The following GABRG1 variants were observed in gnomAD, a reference collection of about 807,000 sequenced individuals.
GABRG1 encodes the protein gamma-aminobutyric acid receptor subunit gamma-1.
Under a neutral mutation model 49.8 loss-of-function variants are expected in GABRG1, and 49 were observed. That is an observed-to-expected ratio of 0.98 (90% CI 0.78 to 1.25). GABRG1 has a LOEUF of 1.25. GABRG1 is among the 50% of genes most tolerant of loss of function. The probability of loss-of-function intolerance (pLI) is 0.00; values close to 1 mark genes in which losing one functional copy is unlikely to be tolerated. For synonymous variants in GABRG1, 232 were observed against 185.1 expected, an observed-to-expected ratio of 1.25 and a Z score of -2.06; for missense variants, 552 against 552.3, an observed-to-expected ratio of 1.00 and a Z score of 0.01.
intron 7 of GABRG1, among the ~76,000 whole-genome samples, chr4:46,057,103 A>T (rs1364595181): frequency 6.6e-6 from 1 of 152,154 alleles, no homozygotes; most frequent in African/African-American, 2.4e-5. Context: ...TTATAGTAGC[A>T]TACAAAGAAA....
intron 1 of GABRG1, among the ~76,000 whole-genome samples, chr4:46,104,119 A>C (rs1720463086): frequency 6.6e-6 from 1 of 151,402 alleles, no homozygotes; most frequent in South Asian, 2.1e-4. Context: ...TTAGTGCCAA[A>C]AATTTCATAT....
chr4:46,049,846 T>C (rs553753684), intron 8 of GABRG1, among the ~76,000 whole-genome samples: 2 of 152,042 alleles, frequency 1.3e-5, no homozygotes, highest in African/African-American at 2.4e-5. Flanking sequence ...AGAGTAGCCA[T>C]GTTTTGGTTG....
At chr4:46,104,187 C>G (rs989615194) in intron 1 of GABRG1, among the ~76,000 whole-genome samples, 1 of 151,336 alleles carries the variant, frequency 6.6e-6, no homozygotes, top group African/African-American at 2.4e-5. Flanking sequence ...AATGATCATA[C>G]CACATTATAT....
intron 7 of GABRG1, 37 bp downstream of exon 7, chr4:46,058,180 G>A (rs745868816): frequency 5.1e-6 from 8 of 1,564,526 alleles, no homozygotes; most frequent in Non-Finnish European, 6.9e-6. Context: ...ATTTTTTAAA[G>A]TTCTATGGCA....
intron 5 of GABRG1, among the ~76,000 whole-genome samples, chr4:46,062,031 C>A (rs1718713687): frequency 9.1e-6 from 1 of 109,432 alleles, no homozygotes; most frequent in South Asian, 3.9e-4. Flanking sequence ...CCCCCCTCCC[C>A]CCACCCCACA....
At chr4:46,081,579 A>G (rs538007990) in intron 3 of GABRG1, among the ~76,000 whole-genome samples, 15 of 151,976 alleles carry the variant, frequency 9.9e-5, no homozygotes, top group South Asian at 2.1e-4. Flanking sequence ...CCAGCTATAA[A>G]GTGGTAAAGC....
intron 1 of GABRG1, among the ~76,000 whole-genome samples, chr4:46,123,472 T>A (rs7670807): frequency 0.11 from 17,439 of 151,994 alleles, 2,631 homozygotes; most frequent in African/African-American, 0.35. Flanking sequence ...CAGAAAGTTC[T>A]TCGGTGGCAT....
chr4:46,108,206 A>C (rs186080806), intron 1 of GABRG1, among the ~76,000 whole-genome samples: 50 of 151,126 alleles, frequency 3.3e-4, no homozygotes, highest in African/African-American at 1.2e-3. Flanking sequence ...ATGAATTGAT[A>C]CTCTTTTCAT....
chr4:46,061,299 C>T (rs900283937), intron 5 of GABRG1, among the ~76,000 whole-genome samples: 11 of 151,846 alleles, frequency 7.2e-5, no homozygotes, highest in African/African-American at 1.4e-4. Context: ...TAAAAGAATG[C>T]TTTAATGAGA....
intron 2 of GABRG1, among the ~76,000 whole-genome samples, chr4:46,090,175 G>T (rs1577658336): frequency 6.6e-6 from 1 of 151,928 alleles, no homozygotes; most frequent in African/African-American, 2.4e-5. Context: ...CAACAATTAA[G>T]TCACCTATGA....
At chr4:46,092,430 A>ATCCC (rs1172971454) in intron 2 of GABRG1, among the ~76,000 whole-genome samples, 1 of 152,030 alleles carries the variant, frequency 6.6e-6, no homozygotes, top group Non-Finnish European at 1.5e-5. Context: ...ACTGACTAAA[A>ATCCC]TTTATAAATG....
At chr4:46,051,773 T>G (rs1368690448) in intron 7 of GABRG1, 135 bp from the exon 8 acceptor site, 1 of 565,296 alleles carries the variant, frequency 1.8e-6, no homozygotes, top group African/African-American at 1.9e-5. Flanking sequence ...ATATTAATAA[T>G]TATTGGTAGC....
chr4:46,078,507 A>C (rs1719442964), intron 3 of GABRG1, among the ~76,000 whole-genome samples: 1 of 151,896 alleles, frequency 6.6e-6, no homozygotes, highest in Admixed American at 6.6e-5. Context: ...AGAAAAAGAG[A>C]GGGTGAGAAA....
chr4:46,076,404 T>TATATAC (rs1281703724), intron 3 of GABRG1, among the ~76,000 whole-genome samples: 3 of 134,546 alleles, frequency 2.2e-5, no homozygotes, highest in Non-Finnish European at 4.8e-5. Flanking sequence ...TATATATATA[T>TATATAC]GCTAAATTAC....
At chr4:46,053,316 A>T (rs1210377471) in intron 7 of GABRG1, among the ~76,000 whole-genome samples, 1 of 151,858 alleles carries the variant, frequency 6.6e-6, no homozygotes, top group East Asian at 1.9e-4. Flanking sequence ...CTCTGAAGTT[A>T]GGTGTAGTGT....
chr4:46,069,119 A>G (rs1719024437), intron 3 of GABRG1, among the ~76,000 whole-genome samples: 1 of 152,110 alleles, frequency 6.6e-6, no homozygotes, highest in Non-Finnish European at 1.5e-5. Context: ...CACATTTCAA[A>G]TTACCAGTTA....
At chr4:46,052,855 C>A (rs2109398798) in intron 7 of GABRG1, among the ~76,000 whole-genome samples, 1 of 152,022 alleles carries the variant, frequency 6.6e-6, no homozygotes, top group African/African-American at 2.4e-5. Context: ...CTCTTCCCCT[C>A]ATGTCTCCAT....
intron 3 of GABRG1, among the ~76,000 whole-genome samples, chr4:46,068,268 T>A (rs1718990336): frequency 6.6e-6 from 1 of 152,160 alleles, no homozygotes; most frequent in South Asian, 2.1e-4. Context: ...CAGTAAGGAT[T>A]GCGGCTAGGC....
chr4:46,090,751 A>G (rs1426823988), intron 2 of GABRG1, among the ~76,000 whole-genome samples: 2 of 152,010 alleles, frequency 1.3e-5, no homozygotes, highest in African/African-American at 4.8e-5. Context: ...AAGATAATGA[A>G]AATGACGTGA....
Sources: allele counts gnomAD v4.1 joint callset (sites outside exome capture counted in the v4.1 genomes callset), GRCh38; gene constraint gnomAD v4.1.1; transcripts MANE v1.5; gene names NCBI Gene and HGNC (gene_info 2026-07-23, HGNC 2026-07-21).